Variants in EFCAB11 observed in about 807,000 individuals in gnomAD.
EFCAB11 encodes the protein EF-hand calcium-binding domain-containing protein 11.
EFCAB11 carries 14 observed loss-of-function variants against 23.0 expected under a neutral mutation model. The observed-to-expected ratio is 0.61, with a 90% CI of 0.40 to 0.95. The LOEUF (loss-of-function observed/expected upper bound fraction) is 0.95. EFCAB11 is among the 40% of genes least tolerant of loss of function. EFCAB11 has a pLI of 0.00. For synonymous variants in EFCAB11, 65 were observed against 66.6 expected (o/e 0.98, Z 0.11); for missense variants, 198 against 195.8 (o/e 1.01, Z -0.07).
chr14:89,931,841 T>C (rs183298897), intron 4 of EFCAB11, among the ~76,000 whole-genome samples: 1 of 152,364 alleles, frequency 6.6e-6, no homozygotes, highest in Admixed American at 6.5e-5. Flanking sequence ...CAGTCCCGGC[T>C]GATCTTGAAG....
At chr14:89,894,569 C>T (rs572171268) in intron 5 of EFCAB11, among the ~76,000 whole-genome samples, 34 of 152,250 alleles carry the variant, frequency 2.2e-4, no homozygotes, top group African/African-American at 7.7e-4. Context: ...CTAACCCCTA[C>T]GGCTATGATC....
chr14:89,901,565 C>G (rs1889337935), intron 5 of EFCAB11, among the ~76,000 whole-genome samples: 1 of 152,146 alleles, frequency 6.6e-6, no homozygotes, highest in African/African-American at 2.4e-5. Flanking sequence ...TGAAAAGAAG[C>G]TGGGGACCCC....
At chr14:89,917,053 CGTGTGT>C (rs71107570) in intron 5 of EFCAB11, among the ~76,000 whole-genome samples, 13,386 of 136,630 alleles carry the variant, frequency 0.098, 771 homozygotes, top group South Asian at 0.22. Context: ...TGACATGCTT[CGTGTGT>C]GTGTGTGTGT....
At chr14:89,814,187 T>TC (rs1370981284) in intron 5 of EFCAB11, among the ~76,000 whole-genome samples, 1 of 151,944 alleles carries the variant, frequency 6.6e-6, no homozygotes, top group African/African-American at 2.4e-5. Flanking sequence ...AGAACAAATG[T>TC]CCTGAAGTGA....
rs1156731502 is a variant in EFCAB11 at position 89,897,207 on chromosome 14, A to ATT, written c.410+34332_410+34333dup. ...TATAGGTATATATATGTATATGTGC[A>ATT]TTTTTTTTTTTTTTTTTTGAGATGG... is the stretch of plus-strand genomic sequence containing the variant. On this transcript the variant is annotated intron_variant, in intron 5 of 5. Transcript: ENST00000316738. 7.9e-4 allele frequency among the ~76,000 whole-genome samples: 105 copies of ATT among 133,576 alleles called. 2 individuals carry two copies. Among genetic ancestry groups the ATT allele is most frequent in the Middle Eastern group, 3.9e-3 (1 of 258 alleles). The allele number at this position is 133,576 out of a possible 152,430, so 87.6% of individuals were successfully genotyped here.
At chr14:89,942,340 T>A (rs1393009859) in intron 3 of EFCAB11, among the ~76,000 whole-genome samples, 1 of 152,214 alleles carries the variant, frequency 6.6e-6, no homozygotes, top group East Asian at 1.9e-4. Context: ...AAATGATTGC[T>A]GCAATTATCT....
rs575101664 is a variant in EFCAB11 at position 89,802,418 on chromosome 14, G to A, written c.411-5094C>T. On this transcript the variant is annotated intron_variant, in intron 5 of 5. Transcript: ENST00000316738. The stretch of plus-strand genomic sequence containing the variant: ...ATTAATTAATTTATTTAGAGACAGA[G>A]TCTTGCTCTGTCACTCAGGCTGGAG... Among the ~76,000 whole-genome samples the A allele has an allele frequency of 1.8e-4, 27 of 152,164 alleles. No individual in the cohort carries two copies. The South Asian group carries it at 2.9e-3, about 16-fold the overall frequency.
At chr14:89,812,764 C>T (rs962095630) in intron 5 of EFCAB11, among the ~76,000 whole-genome samples, 1 of 152,090 alleles carries the variant, frequency 6.6e-6, no homozygotes, top group Non-Finnish European at 1.5e-5. Context: ...ATGCTATATA[C>T]CAAAATAAGT....
chr14:89,919,904 A>G (rs895729945), intron 5 of EFCAB11, among the ~76,000 whole-genome samples: 2 of 152,208 alleles, frequency 1.3e-5, no homozygotes, highest in Admixed American at 1.3e-4. Flanking sequence ...AATGTGGCCC[A>G]GCTGGAATTT....
At chr14:89,802,702 C>T (rs1025708183) in intron 5 of EFCAB11, among the ~76,000 whole-genome samples, 15 of 152,188 alleles carry the variant, frequency 9.9e-5, no homozygotes, top group African/African-American at 3.6e-4. Flanking sequence ...CCCATAATTG[C>T]AATTTTATAA....
At position 89,953,892 on chromosome 14, in the gene EFCAB11, T is replaced by G; in HGVS notation, c.171+14A>C. ...ATCGTCTACCCCATCCCCAAATATATAAGAAAGCTCTACCTTGGAGGGCTT... is the reference window on the plus strand; with the variant it reads ...ATCGTCTACCCCATCCCCAAATATAGAAGAAAGCTCTACCTTGGAGGGCTT... On this transcript the variant is annotated intron_variant, in intron 2 of 5. Transcript: ENST00000316738. The G allele has an allele frequency of 6.2e-7, 1 of 1,608,742 alleles. No homozygotes were observed. Among genetic ancestry groups the G allele is most frequent in the Non-Finnish European group, 8.5e-7 (1 of 1,177,188 alleles).
At chr14:89,954,105 C>G in intron 1 of EFCAB11, 104 bp from the exon 2 acceptor site, 1 of 995,708 alleles carries the variant, frequency 1.0e-6, no homozygotes, top group Non-Finnish European at 1.5e-6. Flanking sequence ...CTTGGCCCAG[C>G]GGTAGAGTAT....
At chr14:89,891,208 G>A (rs960754378) in intron 5 of EFCAB11, among the ~76,000 whole-genome samples, 5 of 152,288 alleles carry the variant, frequency 3.3e-5, no homozygotes, top group Non-Finnish European at 7.4e-5. Context: ...GTGAGCTCCA[G>A]AAAGTTGAAT....
intron 5 of EFCAB11, among the ~76,000 whole-genome samples, chr14:89,901,197 G>A (rs977085212): frequency 2.0e-5 from 3 of 152,114 alleles, no homozygotes; most frequent in African/African-American, 7.2e-5. Flanking sequence ...ACACTTCTTG[G>A]TGTGATGCAT....
chr14:89,937,887 T>C (rs1368429825), intron 3 of EFCAB11: 1 of 152,184 alleles, frequency 6.6e-6, no homozygotes. Flanking sequence ...ATGACAGATA[T>C]ATATATAGAG....
At chr14:89,926,601 G>A (rs1173398968) in intron 5 of EFCAB11, among the ~76,000 whole-genome samples, 1 of 152,092 alleles carries the variant, frequency 6.6e-6, no homozygotes, top group African/African-American at 2.4e-5. Context: ...AATACACGAA[G>A]AGACATGGTA....
At chr14:89,883,436 G>A (rs1566795968) in intron 5 of EFCAB11, among the ~76,000 whole-genome samples, 2 of 152,162 alleles carry the variant, frequency 1.3e-5, no homozygotes, top group Non-Finnish European at 2.9e-5. Context: ...AGATGCTTAA[G>A]TCTTTACTAT....
intron 5 of EFCAB11, among the ~76,000 whole-genome samples, chr14:89,867,161 A>G (rs1045236216): frequency 2.6e-5 from 4 of 152,212 alleles, no homozygotes; most frequent in African/African-American, 9.6e-5. Flanking sequence ...CTCCTGCCTC[A>G]CCATCAGCAA....
intron 5 of EFCAB11, among the ~76,000 whole-genome samples, chr14:89,845,881 C>T (rs752569583): frequency 6.6e-6 from 1 of 152,194 alleles, no homozygotes; most frequent in Admixed American, 6.5e-5. Flanking sequence ...CCTTCACAAA[C>T]AGGAATACAC....
Sources: allele counts gnomAD v4.1 joint callset (sites outside exome capture counted in the v4.1 genomes callset), GRCh38; gene constraint gnomAD v4.1.1; transcripts MANE v1.5; gene names NCBI Gene and HGNC (gene_info 2026-07-23, HGNC 2026-07-21).